Variants in ACTN2 observed in about 807,000 individuals in gnomAD.
The protein encoded by ACTN2 is actinin alpha 2.
A neutral mutation model predicts 113.8 loss-of-function variants in ACTN2; 39 were observed. The ratio of observed to expected loss-of-function variants is 0.34; its 90% confidence interval spans 0.27 to 0.45. The LOEUF is 0.45. Ranked by LOEUF, ACTN2 falls within the 20% of genes least tolerant of loss-of-function variation. The probability of loss-of-function intolerance (pLI) is 1.00; values close to 1 mark genes in which losing one functional copy is unlikely to be tolerated. For missense variants in ACTN2, 992 were observed against 1,177.9 expected, an observed-to-expected ratio of 0.84 and a Z score of 2.31; for synonymous variants, 429 against 444.1, an observed-to-expected ratio of 0.97 and a Z score of 0.43.
intron 11 of ACTN2, among the ~76,000 whole-genome samples, chr1:236,743,543 G>A (rs1024068842): frequency 2.0e-5 from 3 of 150,166 alleles, no homozygotes; most frequent in Non-Finnish European, 4.4e-5. Context: ...ACACATGCCG[G>A]TTTCCATAGA....
Position 236,749,154 on chromosome 1 carries a change from C to G in ACTN2, c.1546C>G (p.Gln516Glu). ...RMEKLLETIDQLHLEFAKRAA... is the reference protein window; with the variant it reads ...RMEKLLETIDELHLEFAKRAA... ...GGAGAAATTGCTAGAAACCATTGAT[C>G]AGCTTCACCTGGAGTTTGCCAAGAG... is the stretch of plus-strand genomic sequence containing the variant. Residue 516 changes from glutamine to glutamate, a missense_variant, in exon 14 of 21, where the codon CAG (glutamine) becomes GAG (glutamate). By Grantham distance (29) the Gln-to-Glu change is conservative (BLOSUM62 2). This residue lies in a region of ACTN2 where 736 missense variants were observed against 815.4 expected (regional missense o/e 0.90). Transcript: ENST00000366578. The G allele has an allele frequency of 6.2e-7, 1 of 1,614,156 alleles. No homozygotes were observed.
At chr1:236,713,393 A>T (rs1434912846) in intron 1 of ACTN2, among the ~76,000 whole-genome samples, 2 of 152,088 alleles carry the variant, frequency 1.3e-5, no homozygotes, top group African/African-American at 4.8e-5. Context: ...ATGTACAACT[A>T]GTCTTGTATT....
At position 236,747,657 on chromosome 1, in the gene ACTN2, C is replaced by T. The variant is rs1398428374; in HGVS notation, c.1407-10C>T. The T allele has an allele frequency of 6.2e-7, 1 of 1,611,166 alleles. No homozygotes were observed. Among genetic ancestry groups the T allele is most frequent in the Non-Finnish European group, 8.5e-7 (1 of 1,177,622 alleles). ...GAAAGTTAATCTTTATTTATTTTCA[C>T]TTTTAATAGTGAACTGGACTATCAC... On this transcript the variant is annotated splice_polypyrimidine_tract_variant and intron_variant, in intron 12 of 20. Coordinates refer to ENST00000366578, the MANE Select transcript of ACTN2 (RefSeq NM_001103.4).
chr1:236,758,303 A>ATTTTTTTTTTTTTTTTTTTTTTTTTTT lies in ACTN2; in HGVS notation c.2301+672_2301+673insTTTTTTTTTTTTTTTTTTTTTTTTTTT, dbSNP rs1349813845. ...CCAATTCTTTTCTTTTTTTTTTTTA[A>ATTTTTTTTTTTTTTTTTTTTTTTTTTT]TGAGACGGAGTCTCGCTCTGTCACC... On this transcript the variant is annotated intron_variant, in intron 18 of 20. Coordinates refer to ENST00000366578, the MANE Select transcript of ACTN2 (RefSeq NM_001103.4). Among the ~76,000 whole-genome samples, 7 of 135,914 alleles carry ATTTTTTTTTTTTTTTTTTTTTTTTTTT rather than the reference A, an allele frequency of 5.2e-5. 1 individual carries two copies. Among genetic ancestry groups the ATTTTTTTTTTTTTTTTTTTTTTTTTTT allele is most frequent in the South Asian group, 2.2e-4 (1 of 4,554 alleles). 89.2% of individuals were successfully genotyped at this position (135,914 alleles called of 152,430 possible).
chr1:236,727,604 T>C, intron 5 of ACTN2, 74 bp from the exon 6 acceptor site: 3 of 1,515,522 alleles, frequency 2.0e-6, no homozygotes, highest in Non-Finnish European at 2.7e-6. Context: ...GGCCAACATC[T>C]GACTGAGTGC....
chr1:236,746,734 G>A (rs1325087922), intron 12 of ACTN2, among the ~76,000 whole-genome samples: 1 of 152,016 alleles, frequency 6.6e-6, no homozygotes, highest in Non-Finnish European at 1.5e-5. Context: ...TGCTTCAGTG[G>A]TGTGCACAGA....
At chr1:236,732,425 C>CTTTTTATTTTTTAT (rs57171299) in intron 7 of ACTN2, among the ~76,000 whole-genome samples, 69 of 145,796 alleles carry the variant, frequency 4.7e-4, no homozygotes, top group African/African-American at 1.4e-3. Flanking sequence ...TTTTCTTTTT[C>CTTTTTATTTTTTAT]TTTTTATTTT....
At chr1:236,738,086 T>C (rs1184606847) in intron 9 of ACTN2, among the ~76,000 whole-genome samples, 2 of 152,220 alleles carry the variant, frequency 1.3e-5, no homozygotes, top group African/African-American at 4.8e-5. Context: ...CCTGGCGCAC[T>C]GCAACCTCCG....
Position 236,759,773 on chromosome 1 carries a change from C to T in ACTN2, c.2351C>T (p.Ser784Phe). The change falls in exon 19 of 21, where the codon TCC becomes TTC. Residue 784 changes from serine to phenylalanine, a missense_variant. Coordinates refer to ENST00000366578, the MANE Select transcript of ACTN2 (RefSeq NM_001103.4). ...GAGGATTTCAGAGCCTGCCTGATTT[C>T]CATGGGTTATGACCTGGTAAGACAG... ...DHEDFRACLI[S>F]MGYDLGEAEF... 1 of 1,613,964 alleles carries T rather than the reference C, an allele frequency of 6.2e-7. No homozygotes were observed. Among genetic ancestry groups the T allele is most frequent in the Non-Finnish European group, 8.5e-7 (1 of 1,179,904 alleles).
At chr1:236,727,808 G>A (rs1412032983) in intron 6 of ACTN2, 52 bp downstream of exon 6, 1 of 1,571,422 alleles carries the variant, frequency 6.4e-7, no homozygotes. Context: ...GTCTCAGCAT[G>A]TCCTGCAAAT....
chr1:236,688,376 CTT>C (rs539065333), intron 1 of ACTN2, among the ~76,000 whole-genome samples: 4 of 142,678 alleles, frequency 2.8e-5, no homozygotes, highest in African/African-American at 2.6e-5. Flanking sequence ...TTTCTGTTGC[CTT>C]TTTTTTTTTT....
chr1:236,722,567 G>A (rs2102899964), intron 4 of ACTN2, among the ~76,000 whole-genome samples: 1 of 146,754 alleles, frequency 6.8e-6, no homozygotes, highest in South Asian at 2.2e-4. Context: ...CCTGGGAGGT[G>A]GAGGTTGCAG....
chr1:236,755,131 A>T lies in ACTN2; in HGVS notation c.2087A>T (p.Glu696Val). 1 of 1,614,214 alleles carries T rather than the reference A, an allele frequency of 6.2e-7. No homozygotes were observed. The highest frequency in any genetic ancestry group is 8.5e-7 in the Non-Finnish European group (1 of 1,180,042). Residue 696 changes from glutamate (E) to valine (V), a missense_variant, in exon 17 of 21, where the codon GAG becomes GTG. Transcript: ENST00000366578. ...TATAAGAACAACATCGACAAGCTGG[A>T]GGGAGACCATCAGCTCATCCAGGAG... ...INYKNNIDKL[E>V]GDHQLIQEAL...
chr1:236,717,512 C>T (rs923378356), intron 1 of ACTN2, among the ~76,000 whole-genome samples: 2 of 152,030 alleles, frequency 1.3e-5, no homozygotes, highest in Non-Finnish European at 2.9e-5. Flanking sequence ...TATTTGTGAG[C>T]AAGAAATAAG....
At chr1:236,716,042 A>C (rs542113123) in intron 1 of ACTN2, among the ~76,000 whole-genome samples, 1 of 151,524 alleles carries the variant, frequency 6.6e-6, no homozygotes, top group Non-Finnish European at 1.5e-5. Context: ...CATAATTGTT[A>C]GTTTAGGCTC....
At chr1:236,727,323 CAG>C (rs1006956296) in intron 5 of ACTN2, among the ~76,000 whole-genome samples, 3 of 152,080 alleles carry the variant, frequency 2.0e-5, no homozygotes, top group Non-Finnish European at 2.9e-5. Context: ...TGGGCAGACT[CAG>C]GGGTAAGGGC....
At chr1:236,686,863 C>A in intron 1 of ACTN2, 64 bp downstream of exon 1, 2 of 1,299,236 alleles carry the variant, frequency 1.5e-6, no homozygotes, top group Non-Finnish European at 2.0e-6. Flanking sequence ...GGCTCCCGTG[C>A]GCGTGGCCGC....
chr1:236,758,284 CTTTTCT>C (rs1306233608), intron 18 of ACTN2, among the ~76,000 whole-genome samples: 2 of 127,146 alleles, frequency 1.6e-5, no homozygotes, highest in African/African-American at 8.5e-5. Flanking sequence ...CACTCCAATT[CTTTTCT>C]TTTTTTTTTT....
chr1:236,745,098 GC>G (rs1436575562), intron 12 of ACTN2, among the ~76,000 whole-genome samples: 2 of 152,146 alleles, frequency 1.3e-5, no homozygotes, highest in Non-Finnish European at 2.9e-5. Flanking sequence ...GGTGCAAGAA[GC>G]AGAATATAGC....
Sources: gnomAD v4.1 joint callset for allele counts (sites outside exome capture counted in the v4.1 genomes callset) on GRCh38, gnomAD v4.1.1 for gene constraint, gnomAD v4.1.1 regional missense constraint, MANE v1.5 for transcripts, NCBI Gene and HGNC (gene_info 2026-07-23, HGNC 2026-07-21) for gene names.